The following CDH23 variants were observed in gnomAD, a reference collection of about 807,000 sequenced individuals.
CDH23 encodes cadherin-23.
A neutral mutation model predicts 317.1 loss-of-function variants in CDH23; 189 were observed. The observed-to-expected ratio is 0.60, with a 90% confidence interval of 0.53 to 0.67. The LOEUF (loss-of-function observed/expected upper bound fraction) is 0.67. Ranked by LOEUF, CDH23 falls within the 30% of genes least tolerant of loss-of-function variation. The probability of loss-of-function intolerance (pLI) is 0.00; values close to 1 mark genes in which losing one functional copy is unlikely to be tolerated. For missense variants in CDH23, 4,401 were observed against 4,592.4 expected, an observed-to-expected ratio of 0.96 and a Z score of 1.20; for synonymous variants, 1,839 against 1,876.8, an observed-to-expected ratio of 0.98 and a Z score of 0.52.
intron 11 of CDH23, among the ~76,000 whole-genome samples, chr10:71,630,302 G>A (rs533971028): frequency 3.9e-5 from 6 of 152,142 alleles, no homozygotes; most frequent in South Asian, 2.1e-4. Context: ...GATTACTGGC[G>A]TGAGTCATCG....
chr10:71,555,009 C>A (rs1284979322), intron 6 of CDH23, among the ~76,000 whole-genome samples: 3 of 152,176 alleles, frequency 2.0e-5, no homozygotes, highest in Non-Finnish European at 4.4e-5. Context: ...ACAGGCACCA[C>A]ACGGATCCTT....
chr10:71,424,697 C>G (rs1210968174), intron 1 of CDH23, among the ~76,000 whole-genome samples: 1 of 152,214 alleles, frequency 6.6e-6, no homozygotes, highest in East Asian at 1.9e-4. Flanking sequence ...TCATCCAGTG[C>G]TCACTGTGCA....
At chr10:71,660,696 T>TA (rs113874947) in intron 14 of CDH23, among the ~76,000 whole-genome samples, 233 of 147,838 alleles carry the variant, frequency 1.6e-3, no homozygotes, top group Non-Finnish European at 2.4e-3. Context: ...GTGTCCACCT[T>TA]AAAAAAAAAA....
intron 37 of CDH23, among the ~76,000 whole-genome samples, chr10:71,741,227 T>A (rs541786524): frequency 5.9e-5 from 9 of 152,358 alleles, no homozygotes; most frequent in East Asian, 1.9e-4. Flanking sequence ...CTTGCTTTTT[T>A]AAAAAATGTA....
intron 14 of CDH23, among the ~76,000 whole-genome samples, chr10:71,674,703 A>G (rs1864285142): frequency 6.6e-6 from 1 of 152,224 alleles, no homozygotes; most frequent in Admixed American, 6.5e-5. Context: ...TGCATGGATT[A>G]TGTGTTTCAT....
Position 71,810,069 on chromosome 10 carries a change from A to G in CDH23, c.8972A>G (p.Asn2991Ser). 3 of 1,611,954 alleles carry G rather than the reference A, an allele frequency of 1.9e-6. No homozygotes were observed. The highest frequency in any genetic ancestry group is 2.5e-6 in the Non-Finnish European group (3 of 1,179,342). ...NITGAIVNTDNVQFHVDKKGR... is the reference protein window; with the variant it reads ...NITGAIVNTDSVQFHVDKKGR... The stretch of plus-strand genomic sequence containing the variant: ...ACTGGGGCCATTGTCAATACTGACA[A>G]TGTGCAGGTGCCTCATGGGCCCACC... The change falls in exon 61 of 70, where the codon AAT becomes AGT. Residue 2991 changes from asparagine (N) to serine (S), a missense_variant. Asn to Ser is a conservative substitution (Grantham distance 46). Coordinates refer to ENST00000224721, the MANE Select transcript of CDH23 (RefSeq NM_022124.6).
In CDH23 at chr10:71,397,272, G is replaced by A. The variant is rs760368228; in HGVS notation, c.-52G>A. The A allele has an allele frequency of 6.0e-6, 1 of 166,112 alleles. No homozygotes were observed. Among genetic ancestry groups the A allele is most frequent in the South Asian group, 7.3e-5 (1 of 13,628 alleles). The allele number at this position is 166,112 out of a possible 1,614,324, so 10.3% of individuals were successfully genotyped here. ...GCGGGGGCCGATCCGGCGGAGAGCA[G>A]AGCCCGAGGCGAGGCGAGGCGCGGC... On this transcript the variant is annotated 5_prime_UTR_variant, in exon 1 of 70. Transcript: ENST00000224721. The surrounding 1 kb of genome is among the most constrained non-coding windows in gnomAD (Gnocchi z 4.8).
chr10:71,604,160 T>C (rs572690459), intron 9 of CDH23, among the ~76,000 whole-genome samples: 1 of 152,268 alleles, frequency 6.6e-6, no homozygotes, highest in East Asian at 1.9e-4. Flanking sequence ...CTCATGCCTG[T>C]AATCTAAGCA....
intron 17 of CDH23, among the ~76,000 whole-genome samples, chr10:71,682,214 G>A (rs2132681823): frequency 6.6e-6 from 1 of 152,318 alleles, no homozygotes; most frequent in Non-Finnish European, 1.5e-5. Flanking sequence ...CTGTAAAAGT[G>A]GGGCTTACAT....
chr10:71,483,401 C>T (rs1852175206), intron 3 of CDH23, among the ~76,000 whole-genome samples: 1 of 152,224 alleles, frequency 6.6e-6, no homozygotes, highest in Non-Finnish European at 1.5e-5. Flanking sequence ...TGGTGTTGGA[C>T]ATTTTAACAA....
rs147565524 is a variant in CDH23 at position 71,536,923 on chromosome 10, T to C, written c.429+25711T>C. Among the ~76,000 whole-genome samples the C allele has an allele frequency of 5.4e-3, 827 of 152,242 alleles. 4 individuals are homozygous for C. Among genetic ancestry groups the C allele is most frequent in the Non-Finnish European group, 8.6e-3 (582 of 68,012 alleles). ...TTGCCATGGGAGACCTCTGCTGTCC[T>C]GCGAGCCTTGAGGACAGTCTGGCCT... On this transcript the variant is annotated intron_variant, in intron 6 of 69. Transcript: ENST00000224721.
chr10:71,680,796 A>G (rs1444609953), intron 17 of CDH23, among the ~76,000 whole-genome samples: 6 of 136,726 alleles, frequency 4.4e-5, no homozygotes, highest in African/African-American at 8.0e-5. Context: ...TGAAATCTAC[A>G]TCCCTCTGTC....
rs1181066274 is a variant in CDH23 at position 71,446,415 on chromosome 10, G to T, written c.145+20G>T. 3.1e-6 allele frequency: 5 copies of T among 1,612,664 alleles called. No individual in the cohort carries two copies. The highest frequency in any genetic ancestry group is 4.2e-6 in the Non-Finnish European group (5 of 1,178,690). The stretch of plus-strand genomic sequence containing the variant: ...CTGTGGGTGAGTGGGGGCATGGGCT[G>T]GTGGGCGTGCAGATGGCCTGGGGTG... On this transcript the variant is annotated intron_variant, in intron 3 of 69. Coordinates refer to ENST00000224721, the MANE Select transcript of CDH23 (RefSeq NM_022124.6).
At chr10:71,478,306 T>C (rs904901633) in intron 3 of CDH23, among the ~76,000 whole-genome samples, 1 of 152,212 alleles carries the variant, frequency 6.6e-6, no homozygotes, top group Admixed American at 6.5e-5. Context: ...TCCCTCCTGC[T>C]GTGCCTGGAG....
chr10:71,811,914 C>T, intron 65 of CDH23, 41 bp from the exon 66 acceptor site: 1 of 1,510,896 alleles, frequency 6.6e-7, no homozygotes, highest in Non-Finnish European at 9.1e-7. Flanking sequence ...CTACCCCTGG[C>T]TATGCCCCTC....
At chr10:71,557,754 T>C (rs575544864) in intron 6 of CDH23, among the ~76,000 whole-genome samples, 1 of 152,192 alleles carries the variant, frequency 6.6e-6, no homozygotes, top group South Asian at 2.1e-4. Context: ...GTTATGAAAT[T>C]TGGTGCCACT....
At chr10:71,731,901 G>A (rs1839403052) in intron 31 of CDH23, 86 bp from the exon 32 acceptor site, 1 of 1,443,646 alleles carries the variant, frequency 6.9e-7, no homozygotes, top group Non-Finnish European at 9.4e-7. Flanking sequence ...GCCACCCAGG[G>A]GGTATGGGTG....
intron 8 of CDH23, among the ~76,000 whole-genome samples, chr10:71,574,286 T>TA (rs1564662020): frequency 6.6e-6 from 1 of 152,182 alleles, no homozygotes; most frequent in African/African-American, 2.4e-5. Flanking sequence ...AAATCCTTCT[T>TA]ATTTGGGATT....
intron 1 of CDH23, among the ~76,000 whole-genome samples, chr10:71,419,445 T>G (rs1345492684): frequency 2.0e-5 from 3 of 152,102 alleles, no homozygotes; most frequent in Non-Finnish European, 2.9e-5. Context: ...TGCAGGGACA[T>G]TACCCCATGG....
Sources: gnomAD v4.1 joint callset for allele counts (sites outside exome capture counted in the v4.1 genomes callset) on GRCh38, gnomAD v4.1.1 for gene constraint, Gnocchi (gnomAD v3.1) non-coding constraint, MANE v1.5 for transcripts, NCBI Gene and HGNC (gene_info 2026-07-23, HGNC 2026-07-21) for gene names.